SPTAN1: variants seen among roughly 807,000 people sequenced by gnomAD.
SPTAN1 encodes the protein spectrin alpha chain, non-erythrocytic 1.
Under a neutral mutation model 331.3 loss-of-function variants are expected in SPTAN1, and 61 were observed. That is an observed-to-expected ratio of 0.18 (90% CI 0.15 to 0.23). The LOEUF (loss-of-function observed/expected upper bound fraction) is 0.23, where lower values mean the gene tolerates loss of function less well. Among genes scored for constraint, SPTAN1 ranks in the 10% least tolerant of loss-of-function variants. SPTAN1 has a pLI of 1.00. For missense variants in SPTAN1, 2,043 were observed against 3,147.9 expected, an observed-to-expected ratio of 0.65 and a Z score of 8.40; for synonymous variants, 1,153 against 1,173.9, an observed-to-expected ratio of 0.98 and a Z score of 0.36.
At chr9:128,600,974 CTTTTTTTTTTTTTT>C (rs60290370) in intron 27 of SPTAN1, among the ~76,000 whole-genome samples, 1 of 40,848 alleles carries the variant, frequency 2.4e-5, no homozygotes, top group Non-Finnish European at 4.2e-5. Flanking sequence ...GGGAGAAAGT[CTTTTTTTTTTTTTT>C]TTTTTTTTTT....
chr9:128,578,866 G>A (rs1851623901), intron 9 of SPTAN1, among the ~76,000 whole-genome samples: 1 of 149,548 alleles, frequency 6.7e-6, no homozygotes, highest in Non-Finnish European at 1.5e-5. Flanking sequence ...CTTCTGAGAG[G>A]TTTTAATGTG....
intron 41 of SPTAN1, 22 bp from the exon 42 acceptor site, chr9:128,617,610 TGACTGTGC>T (rs1857331085): frequency 6.2e-6 from 10 of 1,613,938 alleles, no homozygotes; most frequent in Non-Finnish European, 8.5e-6. Context: ...GTGCAGAGAC[TGACTGTGC>T]TGTTTCCCAT....
intron 44 of SPTAN1, 29 bp downstream of exon 44, chr9:128,619,032 CT>C (rs1448037238): frequency 6.2e-7 from 1 of 1,612,778 alleles, no homozygotes; most frequent in Non-Finnish European, 8.5e-7. Context: ...GTGTCACCTG[CT>C]TTCTCTCTTG....
At chr9:128,599,019 C>G in intron 26 of SPTAN1, 33 bp downstream of exon 26, 2 of 1,607,460 alleles carry the variant, frequency 1.2e-6, no homozygotes, top group Non-Finnish European at 1.7e-6. Context: ...GGATCTTGAA[C>G]ATGAGAAGGA....
intron 3 of SPTAN1, among the ~76,000 whole-genome samples, chr9:128,570,240 G>A (rs1337826464): frequency 2.0e-5 from 3 of 150,822 alleles, no homozygotes; most frequent in African/African-American, 7.3e-5. Context: ...TAAGGCGGAA[G>A]GGAGGAGGAC....
intron 20 of SPTAN1, among the ~76,000 whole-genome samples, chr9:128,588,013 A>ATTTTTTTTTTTTTTTTTTT (rs10627038): frequency 7.3e-6 from 1 of 136,780 alleles, no homozygotes; most frequent in Non-Finnish European, 1.5e-5. Context: ...GCCCAGCTAA[A>ATTTTTTTTTTTTTTTTTTT]TTTTTTTTTT....
intron 1 of SPTAN1, among the ~76,000 whole-genome samples, chr9:128,557,791 A>G (rs1309438753): frequency 1.4e-5 from 2 of 143,948 alleles, no homozygotes; most frequent in African/African-American, 5.0e-5. Context: ...GGATTAAATT[A>G]GAAATTTCTT....
At chr9:128,553,427 T>TTG (rs1848343238) in intron 1 of SPTAN1, 2 of 152,290 alleles carry the variant, frequency 1.3e-5, no homozygotes, top group East Asian at 3.9e-4. Flanking sequence ...GCGTTCTTGT[T>TTG]TGTGTGTGTG....
At chr9:128,565,863 G>A (rs1849972716) in intron 1 of SPTAN1, among the ~76,000 whole-genome samples, 1 of 152,106 alleles carries the variant, frequency 6.6e-6, no homozygotes, top group African/African-American at 2.4e-5. Context: ...CTCTCTATAG[G>A]CTGTAATTTT....
At chr9:128,570,326 ATATATTTTTTTTT>A (rs1244912819) in intron 3 of SPTAN1, among the ~76,000 whole-genome samples, 6 of 43,124 alleles carry the variant, frequency 1.4e-4, no homozygotes, top group Admixed American at 2.6e-4. Flanking sequence ...ATATATATAT[ATATATTTTTTTTT>A]TTTTTTTTTT....
intron 1 of SPTAN1, among the ~76,000 whole-genome samples, chr9:128,565,965 T>C (rs1849985952): frequency 6.6e-6 from 1 of 152,238 alleles, no homozygotes; most frequent in African/African-American, 2.4e-5. Flanking sequence ...GTGGCTAGTG[T>C]GAGGTCACAT....
chr9:128,558,286 A>G (rs1331538705), intron 1 of SPTAN1, among the ~76,000 whole-genome samples: 1 of 152,244 alleles, frequency 6.6e-6, no homozygotes, highest in Non-Finnish European at 1.5e-5. Context: ...TGATGCAGCT[A>G]ACGTTTGACT....
At chr9:128,563,884 C>T (rs1328887443) in intron 1 of SPTAN1, among the ~76,000 whole-genome samples, 1 of 151,978 alleles carries the variant, frequency 6.6e-6, no homozygotes, top group African/African-American at 2.4e-5. Context: ...GCAATCCGCC[C>T]ACCTCAGCCT....
At chr9:128,581,211 C>T (rs1851900449) in intron 11 of SPTAN1, 152 bp downstream of exon 11, 1 of 1,064,282 alleles carries the variant, frequency 9.4e-7, no homozygotes, top group Admixed American at 2.2e-5. Context: ...TCTCTCAGCT[C>T]TGCCAGCATC....
intron 1 of SPTAN1, among the ~76,000 whole-genome samples, chr9:128,564,326 G>C (rs1316288056): frequency 4.6e-5 from 7 of 151,966 alleles, no homozygotes; most frequent in Non-Finnish European, 2.9e-5. Flanking sequence ...GGCTGAGGCA[G>C]GAGAATTGCT....
At chr9:128,600,368 A>G (rs1414325988) in intron 27 of SPTAN1, among the ~76,000 whole-genome samples, 1 of 152,210 alleles carries the variant, frequency 6.6e-6, no homozygotes, top group African/African-American at 2.4e-5. Flanking sequence ...ATGCTGCAGC[A>G]GGGAGCACTG....
At chr9:128,615,541 C>T in intron 40 of SPTAN1, 91 bp from the exon 41 acceptor site, 2 of 1,340,076 alleles carry the variant, frequency 1.5e-6, no homozygotes, top group South Asian at 1.2e-5. Flanking sequence ...ATCAACACTC[C>T]ACATCTCAGT....
intron 3 of SPTAN1, among the ~76,000 whole-genome samples, chr9:128,569,796 T>G (rs1387056586): frequency 6.6e-6 from 1 of 152,136 alleles, no homozygotes; most frequent in African/African-American, 2.4e-5. Flanking sequence ...TGTGGAGGTT[T>G]CGTTCACTGA....
intron 10 of SPTAN1, 152 bp downstream of exon 10, chr9:128,579,890 T>C (rs1320738872): frequency 2.8e-6 from 2 of 722,640 alleles, no homozygotes; most frequent in Non-Finnish European, 4.8e-6. Context: ...AAAGAAGGTA[T>C]ATGTATAGTG....
Sources: gnomAD v4.1 joint callset for allele counts (sites outside exome capture counted in the v4.1 genomes callset) on GRCh38, gnomAD v4.1.1 for gene constraint, MANE v1.5 for transcripts, NCBI Gene and HGNC (gene_info 2026-07-23, HGNC 2026-07-21) for gene names.